The following HMGXB3 variants were observed in gnomAD, a reference collection of about 807,000 sequenced individuals.
HMGXB3 encodes the protein HMG domain-containing protein 3.
A neutral mutation model predicts 121.5 loss-of-function variants in HMGXB3; 45 were observed. That is an observed-to-expected ratio of 0.37 (90% CI 0.29 to 0.47). The LOEUF (loss-of-function observed/expected upper bound fraction) is 0.47, where lower values mean the gene tolerates loss of function less well. Ranked by LOEUF, HMGXB3 falls within the 20% of genes least tolerant of loss-of-function variation. HMGXB3 has a pLI of 0.99. For missense variants in HMGXB3, 1,376 were observed against 1,602.2 expected, an observed-to-expected ratio of 0.86 and a Z score of 2.41; for synonymous variants, 590 against 624.1, an observed-to-expected ratio of 0.95 and a Z score of 0.81.
intron 5 of HMGXB3, among the ~76,000 whole-genome samples, chr5:150,012,555 T>TAGATCTCCA (rs1755867194): frequency 6.6e-6 from 1 of 152,034 alleles, no homozygotes; most frequent in South Asian, 2.1e-4. Context: ...GGTGAGGGGG[T>TAGATCTCCA]TGTAGATAGA....
intron 5 of HMGXB3, among the ~76,000 whole-genome samples, chr5:150,012,685 G>C (rs1755869772): frequency 6.6e-6 from 1 of 152,182 alleles, no homozygotes; most frequent in Admixed American, 6.5e-5. Context: ...AGCAGCCACT[G>C]ATCTAATTCA....
At chr5:150,039,615 G>A (rs545006455) in intron 13 of HMGXB3, among the ~76,000 whole-genome samples, 2 of 151,648 alleles carry the variant, frequency 1.3e-5, no homozygotes, top group African/African-American at 4.8e-5. Flanking sequence ...TTTCTTTTGT[G>A]TTTTCATTCT....
At chr5:150,014,106 G>A (rs979919746) in intron 5 of HMGXB3, among the ~76,000 whole-genome samples, 3 of 152,212 alleles carry the variant, frequency 2.0e-5, no homozygotes, top group Non-Finnish European at 4.4e-5. Flanking sequence ...TCACTTTATG[G>A]CCTGGTACTA....
At chr5:150,011,710 T>C (rs1358075067) in intron 4 of HMGXB3, among the ~76,000 whole-genome samples, 1 of 150,762 alleles carries the variant, frequency 6.6e-6, no homozygotes, top group Non-Finnish European at 1.5e-5. Flanking sequence ...GTTCAAGAGA[T>C]TCTCCTGCCT....
At position 150,040,750 on chromosome 5, in the gene HMGXB3, C is replaced by G; in HGVS notation, c.2416C>G (p.Leu806Val). Residue 806 changes from leucine to valine, a missense_variant and splice_region_variant, in exon 14 of 20, where the codon CTC (leucine) becomes GTC (valine). Leu to Val is a conservative substitution (Grantham distance 32). Coordinates refer to ENST00000502717, the MANE Select transcript of HMGXB3 (RefSeq NM_014983.3). ...TGTTGCCTCTTCTTAACCTGCAGGT[C>G]TCTTTAATGTGGGGAACAAGCTGCT... ...LHSFIDIYTGLFNVGNKLLVS... is the reference protein window; with the variant it reads ...LHSFIDIYTGVFNVGNKLLVS... The G allele has an allele frequency of 6.4e-7, 1 of 1,550,390 alleles. No individual in the cohort carries two copies. Among genetic ancestry groups the G allele is most frequent in the Non-Finnish European group, 8.7e-7 (1 of 1,146,630 alleles).
chr5:150,051,487 G>C (rs79001154), intron 19 of HMGXB3, among the ~76,000 whole-genome samples: 2 of 152,158 alleles, frequency 1.3e-5, no homozygotes, highest in Non-Finnish European at 2.9e-5. Flanking sequence ...TGAATGGACC[G>C]GGGGCAATAA....
At position 150,006,470 on chromosome 5, in the gene HMGXB3, C is replaced by G. The variant is rs1755703960; in HGVS notation, c.138-3C>G. On this transcript the variant is annotated splice_polypyrimidine_tract_variant and splice_region_variant and intron_variant, in intron 2 of 19. Coordinates refer to ENST00000502717, the MANE Select transcript of HMGXB3 (RefSeq NM_014983.3). ...AAGCCTGAAGAAGTCATTGCTTCCT[C>G]AGGTCTGCTTACCTTCTGTACTATT... is the stretch of plus-strand genomic sequence containing the variant. 6.5e-7 allele frequency: 1 copy of G among 1,548,788 alleles called. No individual in the cohort carries two copies.
At chr5:150,016,694 AC>A (rs1177771954) in intron 5 of HMGXB3, among the ~76,000 whole-genome samples, 1 of 152,120 alleles carries the variant, frequency 6.6e-6, no homozygotes, top group Non-Finnish European at 1.5e-5. Context: ...TAAAAGCAAG[AC>A]CCTCTGACAG....
intron 14 of HMGXB3, 116 bp from the exon 15 acceptor site, chr5:150,041,669 G>A: frequency 1.3e-6 from 1 of 759,812 alleles, no homozygotes; most frequent in South Asian, 1.8e-5. Context: ...ACACTGGAGT[G>A]TTCTTTAAGG....
In HMGXB3 at chr5:150,036,670, C is replaced by T. The variant is rs1391898292; in HGVS notation, c.2018C>T (p.Ala673Val). Residue 673 changes from alanine to valine, a missense_variant, in exon 12 of 20, where the codon GCC (alanine) becomes GTC (valine). This residue lies in a region of HMGXB3 where 1,116 missense variants were observed against 1,369.0 expected (regional missense o/e 0.82). Transcript: ENST00000502717. ...VSSPLPDVLN[A>V]TEPLSTAQRE... ...TCACCACTCCCAGATGTACTGAATG[C>T]CACAGAGCCCCTGAGCACAGCCCAG... 6.5e-7 allele frequency: 1 copy of T among 1,550,124 alleles called. No individual in the cohort carries two copies. Among genetic ancestry groups the T allele is most frequent in the East Asian group, 2.4e-5 (1 of 40,912 alleles).
chr5:150,024,226 A>G, intron 6 of HMGXB3, 36 bp from the exon 7 acceptor site: 1 of 1,442,442 alleles, frequency 6.9e-7, no homozygotes, highest in Non-Finnish European at 9.2e-7. Flanking sequence ...CAACTGTAAA[A>G]TCCCTTATGT....
intron 6 of HMGXB3, chr5:150,021,418 T>G (rs1284947031): frequency 5.6e-6 from 1 of 178,798 alleles, no homozygotes; most frequent in African/African-American, 2.4e-5. Flanking sequence ...ATTGCTGTGC[T>G]GTTTAGCTGC....
Position 150,032,272 on chromosome 5 carries a change from GC to G in HMGXB3, c.1834-180del, listed in dbSNP as rs1756397933. Among the ~76,000 whole-genome samples the G allele has an allele frequency of 2.6e-5, 4 of 152,334 alleles. No homozygotes were observed. In the South Asian group the frequency reaches 8.3e-4, roughly 32 times the overall value. ...GGACTGGATTTGCCAAAAATTTACA[GC>G]CTGTATTAAAAGTAAAAGAGTTAAC... is the stretch of plus-strand genomic sequence containing the variant. On this transcript the variant is annotated intron_variant, in intron 10 of 19. Transcript: ENST00000502717.
intron 13 of HMGXB3, among the ~76,000 whole-genome samples, chr5:150,040,134 GT>G (rs1430254622): frequency 6.6e-6 from 1 of 151,864 alleles, no homozygotes; most frequent in East Asian, 1.9e-4. Flanking sequence ...GGAAGAAAGT[GT>G]TCCTTTTTTT....
At chr5:150,025,817 C>T (rs1003970242) in intron 7 of HMGXB3, among the ~76,000 whole-genome samples, 2 of 151,978 alleles carry the variant, frequency 1.3e-5, no homozygotes, top group African/African-American at 4.8e-5. Flanking sequence ...AGGTGATCCG[C>T]CCGCCTTGGC....
rs1240669124 is a variant in HMGXB3, at chr5:150,027,141, G to T, written c.1734+24G>T. The T allele has an allele frequency of 2.0e-6, 3 of 1,537,432 alleles. No homozygotes were observed. In the South Asian group the frequency reaches 3.6e-5, roughly 18 times the overall value. On this transcript the variant is annotated intron_variant, in intron 9 of 19. Coordinates refer to ENST00000502717, the MANE Select transcript of HMGXB3 (RefSeq NM_014983.3). The stretch of plus-strand genomic sequence containing the variant: ...AGGTAAGGCCCATTTTCCAGAGTGG[G>T]AGCTGTTTGAGGGTCTGGCTGCTTC...
At chr5:150,004,829 T>TTTTGA in intron 1 of HMGXB3, 22 bp from the exon 2 acceptor site, 1 of 1,513,054 alleles carries the variant, frequency 6.6e-7, no homozygotes, top group Non-Finnish European at 8.9e-7. Context: ...GGAAACTTTA[T>TTTTGA]TTTGACTTTC....
chr5:150,046,551 G>A (rs1457650222), intron 16 of HMGXB3, among the ~76,000 whole-genome samples: 4 of 152,156 alleles, frequency 2.6e-5, no homozygotes, highest in Non-Finnish European at 4.4e-5. Context: ...GGTGGCTCAC[G>A]CCTGTAATCC....
In HMGXB3 at chr5:150,021,204, T is replaced by C. The variant is rs553501407; in HGVS notation, c.1041+2507T>C. ...TAGATACTGTGATTTCTAAAGCTTA[T>C]AGAAACAGAATGAGTGTGAGAAGAC... On this transcript the variant is annotated intron_variant, in intron 6 of 19. Transcript: ENST00000502717. Among the ~76,000 whole-genome samples, 3 of 152,362 alleles carry C rather than the reference T, an allele frequency of 2.0e-5. No homozygotes were observed. In the South Asian group the frequency reaches 6.2e-4, roughly 32 times the overall value.
Sources: gnomAD v4.1 joint callset for allele counts (sites outside exome capture counted in the v4.1 genomes callset) on GRCh38, gnomAD v4.1.1 for gene constraint, gnomAD v4.1.1 regional missense constraint, MANE v1.5 for transcripts, NCBI Gene and HGNC (gene_info 2026-07-23, HGNC 2026-07-21) for gene names.